The following WWP1 variants were observed in gnomAD, a reference collection of about 807,000 sequenced individuals.
The protein encoded by WWP1 is WW domain containing E3 ubiquitin protein ligase 1, also known as NEDD4-like E3 ubiquitin-protein ligase WWP1.
In WWP1, 49 loss-of-function variants were observed where a neutral mutation model predicts 130.6. That is an observed-to-expected ratio of 0.38 (90% CI 0.30 to 0.48). WWP1 has a LOEUF of 0.48. Ranked by LOEUF, WWP1 falls within the 20% of genes least tolerant of loss-of-function variation. WWP1 has a pLI of 0.99. For synonymous variants in WWP1, 332 were observed against 367.8 expected, an observed-to-expected ratio of 0.90 and a Z score of 1.11; for missense variants, 809 against 1,100.6, an observed-to-expected ratio of 0.74 and a Z score of 3.75.
chr8:86,362,128 ATG>A (rs1329150407), intron 1 of WWP1, among the ~76,000 whole-genome samples: 6 of 132,468 alleles, frequency 4.5e-5, no homozygotes, highest in African/African-American at 8.3e-5. Context: ...CACTAGGCAT[ATG>A]TATATATATA....
Position 86,468,095 on chromosome 8 carries a change from T to C in WWP1, c.*1202T>C, listed in dbSNP as rs1050334226. The C allele has an allele frequency of 5.7e-6, 1 of 175,390 alleles. No homozygotes were observed. Among genetic ancestry groups the C allele is most frequent in the African/African-American group, 2.4e-5 (1 of 41,648 alleles). The allele number at this position is 175,390 out of a possible 1,614,324, so 10.9% of individuals were successfully genotyped here. A position where few individuals can be genotyped will look rare whatever the true frequency, so the allele number is the denominator to read the frequency against. ...ATGTGAATGATATTAATGCTACTTT[T>C]AGCAAACTGGGCTTCCTAATACAAA... is the stretch of plus-strand genomic sequence containing the variant. On this transcript the variant is annotated 3_prime_UTR_variant, in exon 25 of 25. Transcript: ENST00000517970.
intron 1 of WWP1, among the ~76,000 whole-genome samples, chr8:86,343,657 T>C (rs1426430191): frequency 6.6e-6 from 1 of 152,236 alleles, no homozygotes; most frequent in Non-Finnish European, 1.5e-5. Context: ...TGGAGTTTTC[T>C]CTGCTGTGGT....
chr8:86,415,239 CCAAAT>C (rs1423655766), intron 9 of WWP1, among the ~76,000 whole-genome samples: 1 of 152,106 alleles, frequency 6.6e-6, no homozygotes, highest in Non-Finnish European at 1.5e-5. Context: ...AGTCTCCTGT[CCAAAT>C]CAAGCCAGTT....
At chr8:86,362,780 G>A (rs2130221447) in intron 1 of WWP1, among the ~76,000 whole-genome samples, 1 of 152,196 alleles carries the variant, frequency 6.6e-6, no homozygotes, top group African/African-American at 2.4e-5. Context: ...CGAGTGTAGT[G>A]TCTTTTTACA....
At chr8:86,435,090 G>T (rs566290298) in intron 14 of WWP1, among the ~76,000 whole-genome samples, 5 of 152,332 alleles carry the variant, frequency 3.3e-5, no homozygotes, top group African/African-American at 1.2e-4. Flanking sequence ...GTTAGGCTTA[G>T]GATGTGGTAG....
intron 22 of WWP1, 57 bp downstream of exon 22, chr8:86,458,082 G>A: frequency 1.4e-6 from 2 of 1,431,862 alleles, no homozygotes; most frequent in Admixed American, 1.8e-5. Flanking sequence ...TAATGAAATG[G>A]TGGTTTTAAA....
At chr8:86,415,066 G>A (rs893885784) in intron 9 of WWP1, among the ~76,000 whole-genome samples, 6 of 152,086 alleles carry the variant, frequency 3.9e-5, no homozygotes, top group Non-Finnish European at 8.8e-5. Context: ...GCAGTTATAT[G>A]TACAGTTCCA....
intron 10 of WWP1, among the ~76,000 whole-genome samples, chr8:86,427,393 A>G (rs994654730): frequency 1.7e-4 from 25 of 151,112 alleles, no homozygotes; most frequent in Admixed American, 8.5e-4. Context: ...AACTTAAAGT[A>G]AAATTAAAAA....
chr8:86,433,358 T>C (rs1488698595), intron 14 of WWP1, among the ~76,000 whole-genome samples: 1 of 151,918 alleles, frequency 6.6e-6, no homozygotes, highest in African/African-American at 2.4e-5. Context: ...GAAATTTTGC[T>C]TTCTATATTC....
At chr8:86,366,917 G>A (rs1285127114) in intron 1 of WWP1, among the ~76,000 whole-genome samples, 4 of 152,058 alleles carry the variant, frequency 2.6e-5, no homozygotes, top group African/African-American at 9.7e-5. Context: ...TTAAAATTAA[G>A]TCCTCTATTT....
At chr8:86,378,744 ATTG>A (rs1466228788) in intron 3 of WWP1, among the ~76,000 whole-genome samples, 1 of 152,132 alleles carries the variant, frequency 6.6e-6, no homozygotes, top group Non-Finnish European at 1.5e-5. Flanking sequence ...ACCCTCTAGT[ATTG>A]TTGAGTATTT....
chr8:86,464,520 A>AT (rs34035790), intron 24 of WWP1, among the ~76,000 whole-genome samples: 22,258 of 150,120 alleles, frequency 0.15, 1,765 homozygotes, highest in Non-Finnish European at 0.19. Context: ...TTGGAAATCC[A>AT]TTTTTTTTTT....
chr8:86,403,342 CT>C (rs1187252476), intron 8 of WWP1, among the ~76,000 whole-genome samples: 3 of 152,168 alleles, frequency 2.0e-5, no homozygotes, highest in Non-Finnish European at 4.4e-5. Context: ...GTTGCCCAGG[CT>C]AGAGGGCAGT....
chr8:86,433,934 T>A (rs762966512), intron 14 of WWP1, among the ~76,000 whole-genome samples: 5 of 150,568 alleles, frequency 3.3e-5, no homozygotes, highest in Non-Finnish European at 7.4e-5. Context: ...AAAAAAAAAA[T>A]GTAGAATCAT....
At position 86,435,458 on chromosome 8, in the gene WWP1, A is replaced by G; in HGVS notation, c.1608A>G (p.Lys536=). 1 of 1,614,132 alleles carries G rather than the reference A, an allele frequency of 6.2e-7. No individual in the cohort carries two copies. The highest frequency in any genetic ancestry group is 8.5e-7 in the Non-Finnish European group (1 of 1,180,008). The stretch of plus-strand genomic sequence containing the variant: ...TATTTTTGTTTTTCTTTAGAACTAA[A>G]GGTGGTCCACAAATTGCTTATGAAC... The part of the protein sequence containing the change: ...DPRNGKSSVT[K]GGPQIAYERG... The change falls in exon 15 of 25, where the codon AAA becomes AAG. Residue 536 remains lysine (K), a synonymous_variant. Coordinates refer to ENST00000517970, the MANE Select transcript of WWP1 (RefSeq NM_007013.4).
chr8:86,424,584 C>T (rs1229232587), intron 9 of WWP1, among the ~76,000 whole-genome samples: 1 of 151,924 alleles, frequency 6.6e-6, no homozygotes, highest in Admixed American at 6.6e-5. Context: ...TGGCAGATCA[C>T]TCGCCGTTAG....
chr8:86,437,944 C>T (rs562544880), intron 16 of WWP1, among the ~76,000 whole-genome samples: 4 of 152,186 alleles, frequency 2.6e-5, no homozygotes, highest in Non-Finnish European at 4.4e-5. Flanking sequence ...GGACTACAGG[C>T]GCCCACCACC....
intron 1 of WWP1, among the ~76,000 whole-genome samples, chr8:86,350,013 G>A (rs111584726): frequency 6.6e-6 from 1 of 152,044 alleles, no homozygotes; most frequent in Non-Finnish European, 1.5e-5. Flanking sequence ...AGCCCCAATG[G>A]CATTTTCTGT....
intron 3 of WWP1, 25 bp from the exon 4 acceptor site, chr8:86,380,701 C>A: frequency 6.3e-7 from 1 of 1,593,684 alleles, no homozygotes; most frequent in Non-Finnish European, 8.5e-7. Flanking sequence ...AACACATACT[C>A]ACTAGTGAAT....
Sources: allele counts gnomAD v4.1 joint callset (sites outside exome capture counted in the v4.1 genomes callset), GRCh38; gene constraint gnomAD v4.1.1; transcripts MANE v1.5; gene names NCBI Gene and HGNC (gene_info 2026-07-23, HGNC 2026-07-21).